KDM3A: variants seen among roughly 807,000 people sequenced by gnomAD.
KDM3A encodes lysine demethylase 3A, also known as lysine-specific demethylase 3A.
A neutral mutation model predicts 158.0 loss-of-function variants in KDM3A; 60 were observed. That is an observed-to-expected ratio of 0.38 (90% CI 0.31 to 0.47). The LOEUF (loss-of-function observed/expected upper bound fraction) is 0.47, where lower values mean the gene tolerates loss of function less well. KDM3A is among the 20% of genes least tolerant of loss of function. KDM3A has a pLI of 0.99. For missense variants in KDM3A, 1,319 were observed against 1,574.3 expected (o/e 0.84, Z 2.74); for synonymous variants, 608 against 549.3 (o/e 1.11, Z -1.49).
chr2:86,465,769 T>C lies in KDM3A; in HGVS notation c.1008-603T>C, dbSNP rs186879209. Among the ~76,000 whole-genome samples the C allele has an allele frequency of 5.3e-5, 8 of 152,182 alleles. No individual in the cohort carries two copies. In the East Asian group the frequency reaches 1.5e-3, roughly 29 times the overall value. On this transcript the variant is annotated intron_variant, in intron 9 of 25. Coordinates refer to ENST00000312912, the MANE Select transcript of KDM3A (RefSeq NM_018433.6). ...CTTTGAAGGGATTTCTAACATTTTT[T>C]ATATACGTATATATTTTAGAATTTT...
At chr2:86,458,273 A>G (rs1207849224) in intron 8 of KDM3A, among the ~76,000 whole-genome samples, 1 of 152,212 alleles carries the variant, frequency 6.6e-6, no homozygotes, top group Non-Finnish European at 1.5e-5. Context: ...TCTTTCCTGT[A>G]TACAGGCAAC....
chr2:86,453,297 T>G lies in KDM3A; in HGVS notation c.454-1788T>G, dbSNP rs115181905. On this transcript the variant is annotated intron_variant, in intron 4 of 25. Transcript: ENST00000312912. ...TGTTGAGTTTTCAAAGTTTAGTACTTCAGAGAATTATCTTGTAGATATGGG... is the reference window on the plus strand; with the variant it reads ...TGTTGAGTTTTCAAAGTTTAGTACTGCAGAGAATTATCTTGTAGATATGGG... Among the ~76,000 whole-genome samples, 614 of 152,294 alleles carry G rather than the reference T, an allele frequency of 4.0e-3. 1 individual carries two copies. The highest frequency in any genetic ancestry group is 6.4e-3 in the Non-Finnish European group (435 of 68,020).
intron 2 of KDM3A, among the ~76,000 whole-genome samples, chr2:86,443,741 G>T (rs1323960353): frequency 6.6e-6 from 1 of 152,158 alleles, no homozygotes; most frequent in African/African-American, 2.4e-5. Flanking sequence ...AGGCTGTGAG[G>T]TTTGGTTTTT....
At chr2:86,491,443 G>A in intron 25 of KDM3A, 168 bp downstream of exon 25, 1 of 632,892 alleles carries the variant, frequency 1.6e-6, no homozygotes, top group South Asian at 2.0e-5. Context: ...AGTGAGGGAG[G>A]AACAAGAGGA....
In KDM3A at chr2:86,457,068, T is replaced by C; in HGVS notation, c.840T>C (p.Ser280=). The C allele has an allele frequency of 6.4e-7, 1 of 1,556,406 alleles. No individual in the cohort carries two copies. Among genetic ancestry groups the C allele is most frequent in the Non-Finnish European group, 8.8e-7 (1 of 1,142,514 alleles). ...TTTCCAAACAAGCAAAATCTTGCTC[T>C]GAGGTAACCTTTATTTATGTCACTT... ...TLVSKQAKSC[S]EASPSMCPVQ... The change falls in exon 8 of 26, where the codon TCT becomes TCC. Residue 280 remains serine, a synonymous_variant. Coordinates refer to ENST00000312912, the MANE Select transcript of KDM3A (RefSeq NM_018433.6).
Position 86,482,667 on chromosome 2 carries a change from G to T in KDM3A, c.2895G>T (p.Val965=). ...QDPNNKSNWN[V]FRECWKQGQP... Reference sequence around the variant, plus strand: ...CCAACAATAAGAGCAACTGGAATGTGTTTAGGGAGTGCTGGAAACAAGGGC... The same window carrying T: ...CCAACAATAAGAGCAACTGGAATGTTTTTAGGGAGTGCTGGAAACAAGGGC... Residue 965 remains valine, a synonymous_variant, in exon 18 of 26, where the codon GTG becomes GTT. Coordinates refer to ENST00000312912, the MANE Select transcript of KDM3A (RefSeq NM_018433.6). The T allele has an allele frequency of 1.9e-6, 3 of 1,614,060 alleles. No homozygotes were observed. The highest frequency in any genetic ancestry group is 2.5e-6 in the Non-Finnish European group (3 of 1,180,020).
chr2:86,468,024 T>C (rs973174935), intron 10 of KDM3A, among the ~76,000 whole-genome samples: 6 of 152,240 alleles, frequency 3.9e-5, no homozygotes, highest in African/African-American at 1.4e-4. Context: ...AGAGCTTGGC[T>C]CAAAAAACAA....
intron 9 of KDM3A, among the ~76,000 whole-genome samples, chr2:86,465,736 G>A (rs1250702840): frequency 2.6e-5 from 4 of 151,930 alleles, no homozygotes; most frequent in African/African-American, 7.3e-5. Context: ...TAGATTTTGT[G>A]TGAATATCTT....
At chr2:86,452,948 TAAAAG>T (rs1485166503) in intron 4 of KDM3A, among the ~76,000 whole-genome samples, 1 of 152,316 alleles carries the variant, frequency 6.6e-6, no homozygotes, top group South Asian at 2.1e-4. Context: ...TTTCCTGACT[TAAAAG>T]GAAGACTGAC....
intron 8 of KDM3A, among the ~76,000 whole-genome samples, chr2:86,459,088 A>ACT (rs1672821810): frequency 3.3e-5 from 5 of 152,224 alleles, no homozygotes; most frequent in Admixed American, 1.3e-4. Context: ...TCTGCCTCAA[A>ACT]GAACATGACA....
intron 2 of KDM3A, among the ~76,000 whole-genome samples, chr2:86,448,534 C>T (rs989453992): frequency 3.3e-5 from 5 of 152,062 alleles, no homozygotes; most frequent in South Asian, 2.1e-4. Context: ...AGAGCTAAGA[C>T]GGAAAAGTAC....
intron 11 of KDM3A, among the ~76,000 whole-genome samples, chr2:86,471,331 GTGTATATATGTATATATGTGTGTGTGTA>G (rs1336536368): frequency 6.6e-6 from 1 of 151,260 alleles, no homozygotes; most frequent in East Asian, 1.9e-4. Context: ...ATGTGTATGT[GTGTATATATGTATATATGTGTGTGTGTA>G]TATGTGTATA....
chr2:86,475,260 C>T (rs770839983), intron 12 of KDM3A, among the ~76,000 whole-genome samples: 1 of 152,100 alleles, frequency 6.6e-6, no homozygotes, highest in Non-Finnish European at 1.5e-5. Context: ...GCCTCACCAG[C>T]AGTGCAGGCA....
chr2:86,457,483 T>C, intron 8 of KDM3A, among the ~76,000 whole-genome samples: 1 of 152,188 alleles, frequency 6.6e-6, no homozygotes. Context: ...TGCTCTTCTT[T>C]GCTAGTTCCA....
At chr2:86,489,819 A>G in intron 23 of KDM3A, 160 bp downstream of exon 23, 1 of 660,344 alleles carries the variant, frequency 1.5e-6, no homozygotes, top group South Asian at 3.0e-5. Context: ...TTGCTAAGGA[A>G]CAAGGATTCT....
In KDM3A at chr2:86,443,770, C is replaced by T. The variant is rs553277059; in HGVS notation, c.186+1537C>T. ...GGTTTTTTCCTGCATTCGGCTCATT[C>T]TCCTGCCAAATCAGGTTTTGATGTT... On this transcript the variant is annotated intron_variant, in intron 2 of 25. Coordinates refer to ENST00000312912, the MANE Select transcript of KDM3A (RefSeq NM_018433.6). 2.0e-5 allele frequency among the ~76,000 whole-genome samples: 3 copies of T among 152,276 alleles called. No homozygotes were observed. In the East Asian group the frequency reaches 5.8e-4, roughly 29 times the overall value.
At chr2:86,481,285 C>T (rs1418816148) in intron 16 of KDM3A, among the ~76,000 whole-genome samples, 1 of 151,982 alleles carries the variant, frequency 6.6e-6, no homozygotes, top group African/African-American at 2.4e-5. Flanking sequence ...TTGCTCTGTC[C>T]AGCCAGGCTG....
chr2:86,473,402 G>T (rs1170706676), intron 11 of KDM3A, among the ~76,000 whole-genome samples: 1 of 152,112 alleles, frequency 6.6e-6, no homozygotes, highest in Non-Finnish European at 1.5e-5. Flanking sequence ...ATCTGTCTCA[G>T]CCTCCCAAAG....
At chr2:86,469,420 G>T (rs937603834) in intron 10 of KDM3A, among the ~76,000 whole-genome samples, 2 of 152,124 alleles carry the variant, frequency 1.3e-5, no homozygotes, top group Admixed American at 6.5e-5. Context: ...TACTCCTTAA[G>T]GCTCTTGACA....
Sources: gnomAD v4.1 joint callset for allele counts (sites outside exome capture counted in the v4.1 genomes callset) on GRCh38, gnomAD v4.1.1 for gene constraint, MANE v1.5 for transcripts, NCBI Gene and HGNC (gene_info 2026-07-23, HGNC 2026-07-21) for gene names.